Variants in SLC16A12 observed in about 807,000 individuals in gnomAD.
The protein encoded by SLC16A12 is monocarboxylate transporter 12.
In SLC16A12, 17 loss-of-function variants were observed where a neutral mutation model predicts 42.4. That is an observed-to-expected ratio of 0.40 (90% CI 0.27 to 0.60). The LOEUF (loss-of-function observed/expected upper bound fraction) is 0.60, where lower values mean the gene tolerates loss of function less well. SLC16A12 is among the 20% of genes least tolerant of loss of function. The pLI, the probability that SLC16A12 is intolerant of heterozygous loss-of-function variation, is 0.42. For missense variants in SLC16A12, 544 were observed against 623.0 expected (o/e 0.87, Z 1.35); for synonymous variants, 224 against 229.4 (o/e 0.98, Z 0.21).
At chr10:89,443,459 G>A (rs1353355527) in intron 4 of SLC16A12, among the ~76,000 whole-genome samples, 2 of 152,212 alleles carry the variant, frequency 1.3e-5, no homozygotes, top group Non-Finnish European at 2.9e-5. Flanking sequence ...ATCAGGACGT[G>A]TTCTAGAATG....
At position 89,454,552 on chromosome 10, in the gene SLC16A12, G is replaced by A. The variant is rs113664295; in HGVS notation, c.200+7827C>T. On this transcript the variant is annotated intron_variant, in intron 3 of 7. Transcript: ENST00000371790. The stretch of plus-strand genomic sequence containing the variant: ...CCTTCTTAGTGTGCCTCCTTTCTGC[G>A]CATCTGTTGGGCTCTTCACTTCAGC... 3.4e-3 allele frequency among the ~76,000 whole-genome samples: 519 copies of A among 151,940 alleles called. 3 individuals carry two copies. The highest frequency in any genetic ancestry group is 0.012 in the African/African-American group (485 of 41,390).
chr10:89,511,623 C>T (rs1035351604), intron 2 of SLC16A12, among the ~76,000 whole-genome samples: 32 of 152,178 alleles, frequency 2.1e-4, no homozygotes, highest in African/African-American at 7.2e-4. Flanking sequence ...AGGAGAAATA[C>T]TTAATGTAAA....
chr10:89,537,670 A>G (rs1174247265), upstream of SLC16A12, among the ~76,000 whole-genome samples: 2 of 152,214 alleles, frequency 1.3e-5, no homozygotes, highest in African/African-American at 4.8e-5. Flanking sequence ...TGAGTTTCAG[A>G]AAAATGCTTC....
chr10:89,469,481 A>G (rs896519575), intron 2 of SLC16A12, among the ~76,000 whole-genome samples: 2 of 152,242 alleles, frequency 1.3e-5, no homozygotes, highest in Non-Finnish European at 2.9e-5. Context: ...TTTTATCACT[A>G]GAACACCTAC....
chr10:89,523,706 G>C (rs750227969), intron 2 of SLC16A12, among the ~76,000 whole-genome samples: 1 of 152,160 alleles, frequency 6.6e-6, no homozygotes, highest in Non-Finnish European at 1.5e-5. Flanking sequence ...TACCATGACA[G>C]CTGCTAGGAC....
intron 6 of SLC16A12, 147 bp from the exon 7 acceptor site, chr10:89,436,466 T>C: frequency 5.1e-6 from 5 of 978,978 alleles, no homozygotes; most frequent in Admixed American, 2.0e-5. Context: ...TTCCTATCTT[T>C]CTTTTTTGCA....
intron 3 of SLC16A12, among the ~76,000 whole-genome samples, chr10:89,451,808 C>T (rs1842100389): frequency 1.3e-5 from 2 of 152,130 alleles, no homozygotes; most frequent in Non-Finnish European, 2.9e-5. Flanking sequence ...TGTGATGCAC[C>T]ATTCACACAT....
At chr10:89,502,699 G>A (rs911342999) in intron 2 of SLC16A12, among the ~76,000 whole-genome samples, 2 of 152,180 alleles carry the variant, frequency 1.3e-5, no homozygotes, top group African/African-American at 2.4e-5. Context: ...GTCGGACACT[G>A]CTAAAGTCAA....
intron 2 of SLC16A12, among the ~76,000 whole-genome samples, chr10:89,522,623 T>C (rs1242887073): frequency 2.0e-5 from 3 of 152,218 alleles, no homozygotes; most frequent in Non-Finnish European, 2.9e-5. Flanking sequence ...GTTCCTTACA[T>C]ACACTGGTTA....
chr10:89,467,929 C>A (rs1401956108), intron 2 of SLC16A12: 2 of 152,100 alleles, frequency 1.3e-5, no homozygotes, highest in African/African-American at 4.8e-5. Context: ...AAGCCCCTGG[C>A]AAAATAAAAT....
chr10:89,547,570 A>G (rs578123704), intron 2 of SLC16A12, among the ~76,000 whole-genome samples: 1 of 152,372 alleles, frequency 6.6e-6, no homozygotes, highest in African/African-American at 2.4e-5. Flanking sequence ...GTAGCCATGC[A>G]AATGACAAAT....
At chr10:89,483,819 T>C (rs1399327843) in intron 2 of SLC16A12, among the ~76,000 whole-genome samples, 1 of 151,926 alleles carries the variant, frequency 6.6e-6, no homozygotes, top group African/African-American at 2.4e-5. Flanking sequence ...ATTCACTGTG[T>C]ATTATGCCTG....
intron 3 of SLC16A12, among the ~76,000 whole-genome samples, chr10:89,450,359 C>G (rs1842074602): frequency 6.6e-6 from 1 of 152,168 alleles, no homozygotes; most frequent in African/African-American, 2.4e-5. Flanking sequence ...TGGAACCAAG[C>G]CAAATGTCCA....
At chr10:89,453,723 C>T (rs1312309203) in intron 3 of SLC16A12, among the ~76,000 whole-genome samples, 1 of 152,116 alleles carries the variant, frequency 6.6e-6, no homozygotes, top group Non-Finnish European at 1.5e-5. Flanking sequence ...AACACGTCCC[C>T]GTCATTAAGC....
intron 2 of SLC16A12, among the ~76,000 whole-genome samples, chr10:89,529,745 G>A (rs541485793): frequency 1.3e-5 from 2 of 151,702 alleles, no homozygotes; most frequent in South Asian, 2.1e-4. Flanking sequence ...ACGGGGTTTC[G>A]CCATGTTGGC....
At chr10:89,509,929 C>G (rs1477015645) in intron 2 of SLC16A12, among the ~76,000 whole-genome samples, 1 of 152,184 alleles carries the variant, frequency 6.6e-6, no homozygotes, top group Non-Finnish European at 1.5e-5. Flanking sequence ...AAATCACAAG[C>G]ATTCCTATAC....
At chr10:89,529,844 G>A (rs1228427394) in intron 2 of SLC16A12, among the ~76,000 whole-genome samples, 2 of 152,034 alleles carry the variant, frequency 1.3e-5, no homozygotes, top group Admixed American at 6.6e-5. Flanking sequence ...CACTGCACCC[G>A]GCCTCCTTTA....
Position 89,441,130 on chromosome 10 carries a change from G to T in SLC16A12, c.426C>A (p.Tyr142Ter), listed in dbSNP as rs1472361395. Residue 142 changes from tyrosine (Y) to a stop codon, truncating the protein, a stop_gained, in exon 5 of 8, where the codon TAC (tyrosine) becomes TAA (stop). Transcript: ENST00000371790. LOFTEE classifies it high-confidence loss of function. ...SSFATSLKHL[Y>*]LTLGVLTGLG... ...TACCTGTAAGAACTCCCAGAGTGAG[G>T]TAGAGATGCTTCAGACTCGTGGCAA... 1.2e-6 allele frequency: 2 copies of T among 1,613,792 alleles called. No individual in the cohort carries two copies. Among genetic ancestry groups the T allele is most frequent in the South Asian group, 2.2e-5 (2 of 91,064 alleles).
At chr10:89,505,933 C>T (rs893771694) in intron 2 of SLC16A12, among the ~76,000 whole-genome samples, 42 of 152,218 alleles carry the variant, frequency 2.8e-4, no homozygotes, top group African/African-American at 9.2e-4. Context: ...CTTCAGTAGG[C>T]GGTATTATGC....
Sources: gnomAD v4.1 joint callset for allele counts (sites outside exome capture counted in the v4.1 genomes callset) on GRCh38, gnomAD v4.1.1 for gene constraint, MANE v1.5 for transcripts, NCBI Gene and HGNC (gene_info 2026-07-23, HGNC 2026-07-21) for gene names.